Variants in MCM10 observed in about 807,000 individuals in gnomAD.
The protein encoded by MCM10 is minichromosome maintenance 10 replication initiation factor.
A neutral mutation model predicts 109.9 loss-of-function variants in MCM10; 91 were observed. The observed-to-expected ratio is 0.83, with a 90% CI of 0.70 to 0.99. MCM10 has a LOEUF of 0.99. Among genes scored for constraint, MCM10 ranks in the 50% least tolerant of loss-of-function variants. MCM10 has a pLI of 0.00. For synonymous variants in MCM10, 380 were observed against 387.2 expected (o/e 0.98, Z 0.22); for missense variants, 1,077 against 1,061.2 (o/e 1.01, Z -0.21).
chr10:13,171,777 T>C (rs1459512662), intron 3 of MCM10, among the ~76,000 whole-genome samples: 2 of 151,980 alleles, frequency 1.3e-5, no homozygotes, highest in South Asian at 4.1e-4. Context: ...ATTTTTTTTT[T>C]TTTCCGAGAC....
At chr10:13,205,712 A>G (rs1834571018) in intron 18 of MCM10, among the ~76,000 whole-genome samples, 1 of 152,212 alleles carries the variant, frequency 6.6e-6, no homozygotes, top group Non-Finnish European at 1.5e-5. Flanking sequence ...AATAATAGCC[A>G]TTCTTACTGG....
intron 15 of MCM10, 137 bp downstream of exon 15, chr10:13,197,904 A>G (rs1244853370): frequency 7.2e-6 from 6 of 828,876 alleles, no homozygotes; most frequent in African/African-American, 5.8e-5. Context: ...TAGAATTTCT[A>G]TGGGTGGAAC....
chr10:13,208,573 A>AAG (rs1341673006), intron 18 of MCM10, among the ~76,000 whole-genome samples: 1 of 151,618 alleles, frequency 6.6e-6, no homozygotes, highest in Admixed American at 6.6e-5. Context: ...CTCCAAAAAA[A>AAG]AAAAAAAAAG....
chr10:13,198,486 A>G (rs1164114452), intron 15 of MCM10, among the ~76,000 whole-genome samples: 1 of 152,188 alleles, frequency 6.6e-6, no homozygotes, highest in Non-Finnish European at 1.5e-5. Flanking sequence ...ATTTAGTGGT[A>G]AAATCTGCCA....
At chr10:13,196,436 A>G (rs1281293061) in intron 14 of MCM10, among the ~76,000 whole-genome samples, 2 of 152,176 alleles carry the variant, frequency 1.3e-5, no homozygotes, top group East Asian at 1.9e-4. Flanking sequence ...AATACCTACA[A>G]TAACCATGGC....
At position 13,195,486 on chromosome 10, in the gene MCM10, G is replaced by A. The variant is rs181090832; in HGVS notation, c.1974+217G>A. On this transcript the variant is annotated intron_variant, in intron 14 of 19. Coordinates refer to ENST00000378714, the MANE Select transcript of MCM10 (RefSeq NM_018518.5). ...ACAAGAGGTAGCCTAGAGGAAGATA[G>A]TGTTTTATAACCAGAGGCATTGACA... 1.6e-3 allele frequency: 680 copies of A among 434,476 alleles called. 4 individuals carry two copies. Among genetic ancestry groups the A allele is most frequent in the African/African-American group, 0.012 (618 of 50,380 alleles). The allele number at this position is 434,476 out of a possible 1,614,324, so 26.9% of individuals were successfully genotyped here. A position where few individuals can be genotyped will look rare whatever the true frequency, so the allele number is the denominator to read the frequency against.
intron 17 of MCM10, among the ~76,000 whole-genome samples, chr10:13,202,030 A>C (rs949445393): frequency 1.1e-4 from 16 of 152,172 alleles, no homozygotes; most frequent in Admixed American, 7.2e-4. Context: ...CTGTTAGAAA[A>C]TTCTAAGTCC....
At position 13,188,748 on chromosome 10, in the gene MCM10, C is replaced by T. The variant is rs1004006157; in HGVS notation, c.1216-133C>T. On this transcript the variant is annotated intron_variant, in intron 9 of 19. Transcript: ENST00000378714. Reference sequence around the variant, plus strand: ...CTGAGCAGCCCTTCCACATTGGGAACGGTCGTGGAGGTCAGCAGGGAGGAC... The same window carrying T: ...CTGAGCAGCCCTTCCACATTGGGAATGGTCGTGGAGGTCAGCAGGGAGGAC... 6.3e-5 allele frequency: 49 copies of T among 773,958 alleles called. 1 individual carries two copies. Among genetic ancestry groups the T allele is most frequent in the South Asian group, 5.2e-4 (34 of 65,694 alleles). 47.9% of individuals were successfully genotyped at this position (773,958 alleles called of 1,614,324 possible). A position where few individuals can be genotyped will look rare whatever the true frequency, so the allele number is the denominator to read the frequency against.
chr10:13,165,935 G>T (rs1342646083), intron 2 of MCM10, among the ~76,000 whole-genome samples: 1 of 151,248 alleles, frequency 6.6e-6, no homozygotes, highest in Non-Finnish European at 1.5e-5. Flanking sequence ...AATCTCATTT[G>T]ATTGGCATGG....
rs191208619 is a variant in MCM10 at position 13,181,539 on chromosome 10, G to C, written c.930+932G>C. The stretch of plus-strand genomic sequence containing the variant: ...GGGGCCTGTTGGTGGAGGGCAGGGA[G>C]GGGGAGAGCATTAGGGAAAAGAGCT... On this transcript the variant is annotated intron_variant, in intron 7 of 19. Coordinates refer to ENST00000378714, the MANE Select transcript of MCM10 (RefSeq NM_018518.5). 1.1e-3 allele frequency among the ~76,000 whole-genome samples: 172 copies of C among 152,236 alleles called. 1 individual carries two copies. The highest frequency in any genetic ancestry group is 1.8e-3 in the Non-Finnish European group (125 of 68,022).
chr10:13,168,115 G>A (rs1588464932), intron 2 of MCM10, among the ~76,000 whole-genome samples: 1 of 152,206 alleles, frequency 6.6e-6, no homozygotes, highest in South Asian at 2.1e-4. Flanking sequence ...GCCCCCAGTG[G>A]TGTGAGCCAG....
At chr10:13,168,109 C>T (rs1210930580) in intron 2 of MCM10, among the ~76,000 whole-genome samples, 1 of 152,186 alleles carries the variant, frequency 6.6e-6, no homozygotes, top group Non-Finnish European at 1.5e-5. Flanking sequence ...CCTGTGGCCC[C>T]CAGTGGTGTG....
At chr10:13,204,080 G>A (rs1040478084) in intron 17 of MCM10, 139 bp from the exon 18 acceptor site, 1 of 885,416 alleles carries the variant, frequency 1.1e-6, no homozygotes, top group African/African-American at 1.7e-5. Flanking sequence ...AAGAGGCGAA[G>A]GTGGCCCAGT....
intron 13 of MCM10, among the ~76,000 whole-genome samples, chr10:13,193,445 C>T (rs1445264870): frequency 6.6e-6 from 1 of 152,086 alleles, no homozygotes; most frequent in East Asian, 1.9e-4. Flanking sequence ...TCTGAGCCTC[C>T]GGAGGCTTCT....
chr10:13,168,035 A>G (rs1834024336), intron 2 of MCM10, among the ~76,000 whole-genome samples: 1 of 152,210 alleles, frequency 6.6e-6, no homozygotes, highest in South Asian at 2.1e-4. Flanking sequence ...CCATGGGATT[A>G]GCCCTCGTTC....
intron 13 of MCM10, 46 bp from the exon 14 acceptor site, chr10:13,194,995 T>A (rs924527332): frequency 1.3e-6 from 2 of 1,566,974 alleles, no homozygotes; most frequent in Non-Finnish European, 1.7e-6. Flanking sequence ...AGAGTTTTTA[T>A]TTTCGTAAAC....
intron 6 of MCM10, among the ~76,000 whole-genome samples, chr10:13,178,609 A>G (rs1834171177): frequency 1.3e-5 from 2 of 152,166 alleles, no homozygotes; most frequent in African/African-American, 4.8e-5. Context: ...TTTGGTTACT[A>G]TAGCTTTCGT....
Position 13,186,280 on chromosome 10 carries a change from G to C in MCM10, c.1215G>C (p.Leu405Phe). 6.2e-7 allele frequency: 1 copy of C among 1,602,626 alleles called. No individual in the cohort carries two copies. The highest frequency in any genetic ancestry group is 1.1e-5 in the South Asian group (1 of 90,680). The change falls in exon 9 of 20, where the codon TTG (leucine) becomes TTC (phenylalanine). Residue 405 changes from leucine (L) to phenylalanine (F), a missense_variant and splice_region_variant. By Grantham distance (22) the Leu-to-Phe change is conservative. Transcript: ENST00000378714. ...AGCCGTGCACGCAGACTGTGAATTT[G>C]GTTGGTTTCAGCCTTGTTAGGATGG... ...NGEPCTQTVNLRDCEYCQYHV... is the reference protein window; with the variant it reads ...NGEPCTQTVNFRDCEYCQYHV...
Position 13,188,950 on chromosome 10 carries a change from C to A in MCM10, c.1285C>A (p.Leu429Met). ...YKKLSAKRAD[L>M]QSTFSGGRIP... is the part of the protein sequence containing the mutation. ...GAAGCTCAGCGCAAAGCGTGCGGATCTGCAGTCCACCTTCTCTGGAGGACG... is the reference window on the plus strand; with the variant it reads ...GAAGCTCAGCGCAAAGCGTGCGGATATGCAGTCCACCTTCTCTGGAGGACG... Residue 429 changes from leucine to methionine, a missense_variant, in exon 10 of 20, where the codon CTG becomes ATG. Transcript: ENST00000378714. The A allele has an allele frequency of 1.9e-6, 3 of 1,614,178 alleles. No homozygotes were observed. The highest frequency in any genetic ancestry group is 2.5e-6 in the Non-Finnish European group (3 of 1,180,030).
Sources: gnomAD v4.1 joint callset for allele counts (sites outside exome capture counted in the v4.1 genomes callset) on GRCh38, gnomAD v4.1.1 for gene constraint, MANE v1.5 for transcripts, NCBI Gene and HGNC (gene_info 2026-07-23, HGNC 2026-07-21) for gene names.